Variants in HDGFL3 observed in about 807,000 individuals in gnomAD.
HDGFL3 encodes HDGF like 3, also known as hepatoma-derived growth factor-related protein 3.
In HDGFL3, 6 loss-of-function variants were observed where a neutral mutation model predicts 27.6. The observed-to-expected ratio is 0.22, with a 90% CI of 0.12 to 0.43. HDGFL3 has a LOEUF of 0.43. HDGFL3 is among the 20% of genes least tolerant of loss of function. The pLI is 1.00. For missense variants in HDGFL3, 207 were observed against 250.1 expected (o/e 0.83, Z 1.16); for synonymous variants, 88 against 88.9 (o/e 0.99, Z 0.05).
In HDGFL3 at chr15:83,157,839, A is replaced by G. The variant is rs550598188; in HGVS notation, c.300+64T>C. 6.2e-6 allele frequency: 9 copies of G among 1,462,638 alleles called. No homozygotes were observed. The East Asian group carries it at 1.8e-4, about 29-fold the overall frequency. The allele number at this position is 1,462,638 out of a possible 1,614,324, so 90.6% of individuals were successfully genotyped here. On this transcript the variant is annotated intron_variant, in intron 3 of 5. Transcript: ENST00000299633. ...TTAGTAGAAAGGACATATAAGAAAG[A>G]TTTGAAAAAGCGTTAAAACCAAAGA...
chr15:83,194,384 T>C (rs1011172193), intron 1 of HDGFL3, among the ~76,000 whole-genome samples: 1 of 152,162 alleles, frequency 6.6e-6, no homozygotes, highest in Non-Finnish European at 1.5e-5. Flanking sequence ...GGAGAGGTGA[T>C]TGCCAGGGAC....
chr15:83,112,848 G>A, exon 4 of HDGFL3: 4 of 1,614,146 alleles, frequency 2.5e-6, no homozygotes, highest in African/African-American at 1.3e-5. Flanking sequence ...TGGTAGCACT[G>A]CTGGCTCGTG....
intron 5 of HDGFL3, among the ~76,000 whole-genome samples, chr15:83,147,073 T>C (rs2036905751): frequency 6.6e-6 from 1 of 152,038 alleles, no homozygotes; most frequent in South Asian, 2.1e-4. Context: ...TTCTTTCTTT[T>C]TTTTTTTTGA....
intron 5 of HDGFL3, among the ~76,000 whole-genome samples, chr15:83,148,023 G>C (rs1347894401): frequency 6.6e-6 from 1 of 152,104 alleles, no homozygotes; most frequent in East Asian, 1.9e-4. Context: ...AACATGAAAG[G>C]CAGCTCAACC....
At position 83,190,201 on chromosome 15, in the gene HDGFL3, C is replaced by G. The variant is rs538569272; in HGVS notation, c.84+17130G>C. Among the ~76,000 whole-genome samples, 5 of 99,930 alleles carry G rather than the reference C, an allele frequency of 5.0e-5. No individual in the cohort carries two copies. The South Asian group carries it at 1.0e-3, about 21-fold the overall frequency. 65.6% of individuals were successfully genotyped at this position (99,930 alleles called of 152,430 possible). A position where few individuals can be genotyped will look rare whatever the true frequency, so the allele number is the denominator to read the frequency against. On this transcript the variant is annotated intron_variant, in intron 1 of 5. Coordinates refer to ENST00000299633, the MANE Select transcript of HDGFL3 (RefSeq NM_016073.4). ...CCAGCCTGGGCAACAGAGCTGAACTCTGTCTCAAAAAAAAAAAAAAAAAAG... is the reference window on the plus strand; with the variant it reads ...CCAGCCTGGGCAACAGAGCTGAACTGTGTCTCAAAAAAAAAAAAAAAAAAG...
intron 1 of HDGFL3, among the ~76,000 whole-genome samples, chr15:83,206,805 C>A (rs7495911): frequency 0.25 from 37,825 of 152,180 alleles, 5,038 homozygotes; most frequent in African/African-American, 0.34. Context: ...GAAAACTCAA[C>A]AAGTCTAGAA....
intron 1 of HDGFL3, among the ~76,000 whole-genome samples, chr15:83,189,085 C>A (rs758113405): frequency 2.6e-5 from 4 of 152,108 alleles, no homozygotes; most frequent in African/African-American, 7.2e-5. Flanking sequence ...AAACTAACCA[C>A]TTCTTTCTAC....
chr15:83,116,841 A>G (rs1470795143), intron 3 of HDGFL3, among the ~76,000 whole-genome samples: 1 of 152,228 alleles, frequency 6.6e-6, no homozygotes, highest in Non-Finnish European at 1.5e-5. Flanking sequence ...GGCCTAAGAC[A>G]GTGTCCTGAT....
chr15:83,139,241 C>T lies in HDGFL3; in HGVS notation c.*29G>A, dbSNP rs1222365296. ...CAAACATATAACCTTCTTGTGGTTTCTCTTAATATGCAGCATTCATTATGG... is the reference window on the plus strand; with the variant it reads ...CAAACATATAACCTTCTTGTGGTTTTTCTTAATATGCAGCATTCATTATGG... On this transcript the variant is annotated 3_prime_UTR_variant, in exon 6 of 6. Coordinates refer to ENST00000299633, the MANE Select transcript of HDGFL3 (RefSeq NM_016073.4). The T allele has an allele frequency of 2.2e-6, 3 of 1,393,482 alleles. No individual in the cohort carries two copies. Among genetic ancestry groups the T allele is most frequent in the Non-Finnish European group, 1.9e-6 (2 of 1,041,994 alleles). 86.3% of individuals were successfully genotyped at this position (1,393,482 alleles called of 1,614,324 possible).
chr15:83,129,540 A>C lies in HDGFL3; in HGVS notation c.*9730T>G, dbSNP rs1254211733. On this transcript the variant is annotated 3_prime_UTR_variant, in exon 6 of 6. Transcript: ENST00000299633. Reference sequence around the variant, plus strand: ...GGAGGCTGAGGCTCAGTCCACCTGAAATTATTTGCCTAAGATTACAGTTAT... The same window carrying C: ...GGAGGCTGAGGCTCAGTCCACCTGACATTATTTGCCTAAGATTACAGTTAT... The C allele has an allele frequency of 6.6e-6, 1 of 152,192 alleles. No individual in the cohort carries two copies. The highest frequency in any genetic ancestry group is 1.5e-5 in the Non-Finnish European group (1 of 68,032). 9.4% of individuals were successfully genotyped at this position (152,192 alleles called of 1,614,324 possible). A position where few individuals can be genotyped will look rare whatever the true frequency, so the allele number is the denominator to read the frequency against.
chr15:83,154,154 GAA>G (rs112602888), intron 4 of HDGFL3, among the ~76,000 whole-genome samples: 7 of 136,596 alleles, frequency 5.1e-5, no homozygotes, highest in Admixed American at 7.4e-5. Context: ...GTCTCTACTG[GAA>G]AAAAAAAAAA....
At chr15:83,118,252 C>G (rs955919681) in intron 3 of HDGFL3, among the ~76,000 whole-genome samples, 1 of 126,366 alleles carries the variant, frequency 7.9e-6, no homozygotes, top group Non-Finnish European at 1.7e-5. Flanking sequence ...CACACACACA[C>G]ACACACACAC....
chr15:83,202,966 A>G (rs2037666986), intron 1 of HDGFL3, among the ~76,000 whole-genome samples: 2 of 152,094 alleles, frequency 1.3e-5, no homozygotes, highest in South Asian at 2.1e-4. Context: ...ATGTATGAGC[A>G]TTCTTGTACA....
At chr15:83,122,139 CT>C (rs2035315269) in intron 3 of HDGFL3, 2 of 743,610 alleles carry the variant, frequency 2.7e-6, no homozygotes, top group Non-Finnish European at 4.4e-6. Flanking sequence ...AGAATAATTC[CT>C]TTTTCTCACC....
intron 1 of HDGFL3, among the ~76,000 whole-genome samples, chr15:83,202,623 C>T (rs541827461): frequency 6.6e-6 from 1 of 152,216 alleles, no homozygotes; most frequent in Non-Finnish European, 1.5e-5. Context: ...GTTCTCCTTT[C>T]TCCCTAACTC....
intron 1 of HDGFL3, among the ~76,000 whole-genome samples, chr15:83,167,860 T>C (rs1022116547): frequency 7.2e-5 from 11 of 152,166 alleles, no homozygotes; most frequent in Admixed American, 6.5e-5. Flanking sequence ...ATCCTTCTCA[T>C]CTGCACACAG....
At chr15:83,201,390 T>C (rs1002201764) in intron 1 of HDGFL3, among the ~76,000 whole-genome samples, 2 of 152,332 alleles carry the variant, frequency 1.3e-5, no homozygotes, top group Admixed American at 6.5e-5. Flanking sequence ...TCACAGGACA[T>C]GCTTTCAGTA....
At chr15:83,139,336 A>G in intron 5 of HDGFL3, 61 bp from the exon 6 acceptor site, 4 of 1,089,766 alleles carry the variant, frequency 3.7e-6, no homozygotes, top group Non-Finnish European at 5.1e-6. Flanking sequence ...ACTAACAATG[A>G]GAGCTATCCA....
At chr15:83,159,043 A>G (rs905234101) in intron 2 of HDGFL3, among the ~76,000 whole-genome samples, 1 of 151,948 alleles carries the variant, frequency 6.6e-6, no homozygotes, top group South Asian at 2.1e-4. Flanking sequence ...GTTTCGCCAC[A>G]TTGGTCAGGC....
Sources: allele counts gnomAD v4.1 joint callset (sites outside exome capture counted in the v4.1 genomes callset), GRCh38; gene constraint gnomAD v4.1.1; transcripts MANE v1.5; gene names NCBI Gene and HGNC (gene_info 2026-07-23, HGNC 2026-07-21).